Variants in SKAP1 observed in about 807,000 individuals in gnomAD.
SKAP1 encodes the protein src kinase associated phosphoprotein 1, also known as src kinase-associated phosphoprotein 1.
In SKAP1, 44 loss-of-function variants were observed where a neutral mutation model predicts 58.5. The observed-to-expected ratio is 0.75, with a 90% CI of 0.59 to 0.97. The LOEUF (loss-of-function observed/expected upper bound fraction) is 0.97, where lower values mean the gene tolerates loss of function less well. Ranked by LOEUF, SKAP1 falls within the 50% of genes least tolerant of loss-of-function variation. The pLI, the probability that SKAP1 is intolerant of heterozygous loss-of-function variation, is 0.00. For missense variants in SKAP1, 390 were observed against 435.2 expected (o/e 0.90, Z 0.92); for synonymous variants, 127 against 149.7 (o/e 0.85, Z 1.11).
At chr17:48,295,465 T>C (rs1246564038) in intron 4 of SKAP1, 2 of 152,144 alleles carry the variant, frequency 1.3e-5, no homozygotes, top group East Asian at 1.9e-4. Flanking sequence ...AGGCAAGCAA[T>C]TGAAAGGATT....
rs117902719 is a variant in SKAP1, at chr17:48,205,900, A to C, written c.281-16400T>G. ...CCCAGGCATCCTTTCTCAGGATGCC[A>C]CCACAATATGTGCTCCATCAAAATG... On this transcript the variant is annotated intron_variant, in intron 4 of 12. Coordinates refer to ENST00000336915, the MANE Select transcript of SKAP1 (RefSeq NM_003726.4). Among the ~76,000 whole-genome samples the C allele has an allele frequency of 7.6e-3, 1,157 of 152,304 alleles. 10 individuals are homozygous for C. The highest frequency in any genetic ancestry group is 0.011 in the Non-Finnish European group (733 of 68,008).
intron 4 of SKAP1, among the ~76,000 whole-genome samples, chr17:48,198,187 G>A (rs955373570): frequency 1.3e-5 from 2 of 152,056 alleles, no homozygotes; most frequent in Admixed American, 1.3e-4. Context: ...CGGGCGCGGT[G>A]GCTCACGCCT....
chr17:48,151,795 C>T (rs1411616106), intron 11 of SKAP1, among the ~76,000 whole-genome samples: 1 of 152,300 alleles, frequency 6.6e-6, no homozygotes, highest in South Asian at 2.1e-4. Flanking sequence ...ACTGCAGACT[C>T]TCTTTGCTAA....
At chr17:48,395,044 T>C (rs1334616905) in intron 2 of SKAP1, among the ~76,000 whole-genome samples, 5 of 152,214 alleles carry the variant, frequency 3.3e-5, no homozygotes, top group Non-Finnish European at 7.3e-5. Flanking sequence ...GATGATTTCC[T>C]GAATGTCTAC....
chr17:48,380,423 CACTT>C (rs1406113693), intron 2 of SKAP1: 2 of 152,152 alleles, frequency 1.3e-5, no homozygotes, highest in Middle Eastern at 3.2e-3. Flanking sequence ...CCAAAATAGT[CACTT>C]ACCTCAAAAA....
intron 4 of SKAP1, among the ~76,000 whole-genome samples, chr17:48,227,811 G>A (rs1598445896): frequency 2.0e-5 from 3 of 152,292 alleles, no homozygotes; most frequent in African/African-American, 7.2e-5. Context: ...CTTACCAGCT[G>A]TGAGACTTCA....
At chr17:48,197,903 C>T (rs143683881) in intron 4 of SKAP1, among the ~76,000 whole-genome samples, 1 of 152,330 alleles carries the variant, frequency 6.6e-6, no homozygotes, top group African/African-American at 2.4e-5. Flanking sequence ...CTCTCTTCCA[C>T]ATCTTCACTT....
intron 4 of SKAP1, among the ~76,000 whole-genome samples, chr17:48,192,415 TA>T (rs1013487888): frequency 1.3e-5 from 2 of 152,224 alleles, no homozygotes; most frequent in Non-Finnish European, 2.9e-5. Context: ...CTCCTTTTTT[TA>T]ATGCAAATTT....
Position 48,223,684 on chromosome 17 carries a change from A to AATTGTTGAAAATAAGCC in SKAP1, c.281-34201_281-34185dup, listed in dbSNP as rs1166481271. ...CTATCACATGCATTTGAAAATAAGC[A>AATTGTTGAAAATAAGCC]ATTGTTGAAAATAAGCCAAGTTAAC... is the stretch of plus-strand genomic sequence containing the variant. On this transcript the variant is annotated intron_variant, in intron 4 of 12. Transcript: ENST00000336915. 1.8e-4 allele frequency among the ~76,000 whole-genome samples: 27 copies of AATTGTTGAAAATAAGCC among 152,150 alleles called. 1 individual carries two copies.
At chr17:48,319,400 A>C (rs2066330994) in intron 4 of SKAP1, among the ~76,000 whole-genome samples, 1 of 152,190 alleles carries the variant, frequency 6.6e-6, no homozygotes, top group South Asian at 2.1e-4. Context: ...AAAAAGAAAG[A>C]AAGAATTGGA....
At chr17:48,381,653 T>C (rs1181067969) in intron 2 of SKAP1, among the ~76,000 whole-genome samples, 1 of 152,068 alleles carries the variant, frequency 6.6e-6, no homozygotes, top group African/African-American at 2.4e-5. Context: ...TTGTGCAGGA[T>C]TTTTTTATCT....
chr17:48,416,254 G>A (rs2144597056), intron 1 of SKAP1, among the ~76,000 whole-genome samples: 1 of 151,982 alleles, frequency 6.6e-6, no homozygotes, highest in Admixed American at 6.6e-5. Context: ...TTATCTTGCA[G>A]ACACTTCACT....
intron 12 of SKAP1, among the ~76,000 whole-genome samples, chr17:48,136,168 TTCTC>T (rs143065313): frequency 1.3e-5 from 2 of 150,400 alleles, no homozygotes; most frequent in Non-Finnish European, 2.9e-5. Flanking sequence ...GGGTATGCTT[TTCTC>T]TCTCTTTTTT....
chr17:48,414,353 C>G (rs1319182934), intron 1 of SKAP1, among the ~76,000 whole-genome samples: 2 of 151,996 alleles, frequency 1.3e-5, no homozygotes, highest in African/African-American at 4.8e-5. Flanking sequence ...AAGAATGGCC[C>G]AGGCATGGGA....
At chr17:48,210,272 G>A (rs2064856574) in intron 4 of SKAP1, among the ~76,000 whole-genome samples, 3 of 152,154 alleles carry the variant, frequency 2.0e-5, no homozygotes, top group Non-Finnish European at 4.4e-5. Flanking sequence ...GCTGCACATC[G>A]GAATCACCTG....
chr17:48,333,322 A>G (rs1567872058), intron 4 of SKAP1, among the ~76,000 whole-genome samples: 2 of 152,192 alleles, frequency 1.3e-5, no homozygotes, highest in Non-Finnish European at 2.9e-5. Context: ...GAAGCAACAA[A>G]AAGGCTGACA....
At chr17:48,244,440 G>C (rs897917388) in intron 4 of SKAP1, among the ~76,000 whole-genome samples, 1 of 152,108 alleles carries the variant, frequency 6.6e-6, no homozygotes, top group Non-Finnish European at 1.5e-5. Context: ...AGCAGATGGG[G>C]TCATAAACAT....
chr17:48,199,558 A>G (rs1403305666), intron 4 of SKAP1, among the ~76,000 whole-genome samples: 1 of 151,814 alleles, frequency 6.6e-6, no homozygotes, highest in East Asian at 1.9e-4. Flanking sequence ...AAAATTATAT[A>G]CTCCCTCTTC....
chr17:48,323,345 G>A (rs2066393362), intron 4 of SKAP1, among the ~76,000 whole-genome samples: 1 of 151,962 alleles, frequency 6.6e-6, no homozygotes, highest in African/African-American at 2.4e-5. Context: ...TTAGTACTGG[G>A]AAAATATACA....
Sources: gnomAD v4.1 joint callset for allele counts (sites outside exome capture counted in the v4.1 genomes callset) on GRCh38, gnomAD v4.1.1 for gene constraint, MANE v1.5 for transcripts, NCBI Gene and HGNC (gene_info 2026-07-23, HGNC 2026-07-21) for gene names.